Variants in DIAPH2 observed in about 807,000 individuals in gnomAD.
DIAPH2 encodes diaphanous related formin 2.
Under a neutral mutation model 92.7 loss-of-function variants are expected in DIAPH2, and 35 were observed. The observed-to-expected ratio is 0.38, with a 90% CI of 0.29 to 0.50. The LOEUF is 0.50. Ranked by LOEUF, DIAPH2 falls within the 20% of genes least tolerant of loss-of-function variation. The probability of loss-of-function intolerance (pLI) is 0.94; values close to 1 mark genes in which losing one functional copy is unlikely to be tolerated. For synonymous variants in DIAPH2, 301 were observed against 280.4 expected (o/e 1.07, Z -0.73); for missense variants, 701 against 819.5 (o/e 0.86, Z 1.77).
chrX:97,401,465 G>A (rs1160246936), intron 25 of DIAPH2, among the ~76,000 whole-genome samples: 1 of 111,252 alleles, frequency 9.0e-6, no homozygotes, highest in Non-Finnish European at 1.9e-5. Flanking sequence ...TAATTAGCAG[G>A]CCAATGTACT....
rs1471887776 is a variant in DIAPH2 at position 96,918,885 on chromosome X, A to G, written c.978+268A>G. Among the ~76,000 whole-genome samples the G allele has an allele frequency of 5.3e-5, 6 of 112,263 alleles. No individual in the cohort carries two copies. The Admixed American group carries it at 5.7e-4, about 11-fold the overall frequency. ...AAACCAGGGAAATTGAAGCCTCAGC[A>G]GTAACTAAGGTAAAAGGGCAAGCAG... On this transcript the variant is annotated intron_variant, in intron 9 of 26. Coordinates refer to ENST00000324765, the MANE Select transcript of DIAPH2 (RefSeq NM_006729.5).
chrX:97,390,441 A>T (rs971862028), intron 25 of DIAPH2, among the ~76,000 whole-genome samples: 5 of 110,072 alleles, frequency 4.5e-5, no homozygotes, highest in Non-Finnish European at 9.5e-5. Flanking sequence ...GCTGGTCTTG[A>T]ACTCCTGAGA....
chrX:96,952,956 TAA>T, intron 15 of DIAPH2, among the ~76,000 whole-genome samples: 1 of 99,599 alleles, frequency 1.0e-5, no homozygotes, highest in African/African-American at 3.6e-5. Flanking sequence ...GACCCCATCT[TAA>T]AAAAAAAAAA....
At chrX:97,405,773 A>G (rs1421848066) in intron 25 of DIAPH2, among the ~76,000 whole-genome samples, 1 of 111,515 alleles carries the variant, frequency 9.0e-6, no homozygotes, top group Non-Finnish European at 1.9e-5. Flanking sequence ...TTTTTTGCCT[A>G]CAAAATGACA....
In DIAPH2 at chrX:97,201,150, C is replaced by A. The variant is rs111716692; in HGVS notation, c.2720-46565C>A. Among the ~76,000 whole-genome samples the A allele has an allele frequency of 2.2e-3, 174 of 78,725 alleles. 4 individuals are homozygous for A. The highest frequency in any genetic ancestry group is 6.2e-4 in the Non-Finnish European group (26 of 42,040). 68.4% of individuals were successfully genotyped at this position (78,725 alleles called of 115,157 possible). On this transcript the variant is annotated intron_variant, in intron 22 of 26. Coordinates refer to ENST00000324765, the MANE Select transcript of DIAPH2 (RefSeq NM_006729.5). ...AGAAAGACCCCCCCCCCAAAAAAAA[C>A]CCCATCCAAAGGTCATCAGCCTCAA...
chrX:96,788,615 G>A lies in DIAPH2; in HGVS notation c.447+30357G>A, dbSNP rs758624771. Among the ~76,000 whole-genome samples, 9 of 111,923 alleles carry A rather than the reference G, an allele frequency of 8.0e-5. No homozygotes were observed. The East Asian group carries it at 1.1e-3, about 14-fold the overall frequency. On this transcript the variant is annotated intron_variant, in intron 4 of 26. Coordinates refer to ENST00000324765, the MANE Select transcript of DIAPH2 (RefSeq NM_006729.5). The stretch of plus-strand genomic sequence containing the variant: ...GTAAAATTATAAGTCAGAGAAAATC[G>A]AAATGTCCATGTGGAATAGTTAACA...
chrX:97,418,540 C>T (rs1266373764), intron 25 of DIAPH2, among the ~76,000 whole-genome samples: 1 of 112,220 alleles, frequency 8.9e-6, no homozygotes, highest in East Asian at 2.8e-4. Flanking sequence ...ACACATTTGA[C>T]CTCCTGATGG....
At chrX:96,953,064 C>G (rs781699785) in intron 15 of DIAPH2, among the ~76,000 whole-genome samples, 1 of 110,172 alleles carries the variant, frequency 9.1e-6, no homozygotes, top group South Asian at 3.9e-4. Context: ...GGCTGCAATG[C>G]ACTATGATTT....
At chrX:97,579,463 A>C (rs1386083722) in intron 26 of DIAPH2, among the ~76,000 whole-genome samples, 1 of 111,324 alleles carries the variant, frequency 9.0e-6, no homozygotes, top group African/African-American at 3.3e-5. Flanking sequence ...GGTTTGTCAA[A>C]GATCAGATAG....
intron 3 of DIAPH2, among the ~76,000 whole-genome samples, chrX:96,752,896 A>G (rs2064202682): frequency 8.9e-6 from 1 of 112,152 alleles, no homozygotes; most frequent in South Asian, 3.7e-4. Flanking sequence ...CTTGTCATGC[A>G]TGATCACACC....
chrX:97,212,787 CA>C lies in DIAPH2; in HGVS notation c.2720-34924del, dbSNP rs1368854884. Among the ~76,000 whole-genome samples, 6 of 110,250 alleles carry C rather than the reference CA, an allele frequency of 5.4e-5. No individual in the cohort carries two copies. The Admixed American group carries it at 5.8e-4, about 11-fold the overall frequency. On this transcript the variant is annotated intron_variant, in intron 22 of 26. Coordinates refer to ENST00000324765, the MANE Select transcript of DIAPH2 (RefSeq NM_006729.5). ...CCTCCCATAAAATAACTGTAATTGT[CA>C]AAATTGTTCTATTTAGGGTGTTGCT...
rs191524379 is a variant in DIAPH2 at position 96,875,346 on chromosome X, C to T, written c.448-6233C>T. 3.5e-3 allele frequency among the ~76,000 whole-genome samples: 389 copies of T among 111,676 alleles called. 1 individual carries two copies. Among genetic ancestry groups the T allele is most frequent in the Non-Finnish European group, 5.6e-3 (298 of 53,054 alleles). On this transcript the variant is annotated intron_variant, in intron 4 of 26. Coordinates refer to ENST00000324765, the MANE Select transcript of DIAPH2 (RefSeq NM_006729.5). ...GAGTCTGTAATTTGGGAGTGAAATG[C>T]TTAATTGATATTTAGTAGACAGAAG...
At chrX:97,176,829 A>G (rs2067496472) in intron 22 of DIAPH2, among the ~76,000 whole-genome samples, 1 of 111,627 alleles carries the variant, frequency 9.0e-6, no homozygotes, top group South Asian at 3.7e-4. Context: ...GCCTGGCCGA[A>G]GTATTGGTTT....
intron 23 of DIAPH2, among the ~76,000 whole-genome samples, chrX:97,336,119 G>A (rs1213178824): frequency 9.1e-6 from 1 of 110,441 alleles, no homozygotes; most frequent in Middle Eastern, 4.2e-3. Context: ...GTTTTAGTGC[G>A]TCATCTTTCA....
chrX:97,318,762 G>A (rs1349828068), intron 23 of DIAPH2, among the ~76,000 whole-genome samples: 3 of 110,342 alleles, frequency 2.7e-5, no homozygotes, highest in Non-Finnish European at 1.9e-5. Flanking sequence ...TGAGATTACA[G>A]GCATGAGCCA....
chrX:96,926,524 G>C, intron 9 of DIAPH2, among the ~76,000 whole-genome samples: 1 of 111,106 alleles, frequency 9.0e-6, no homozygotes, highest in East Asian at 2.8e-4. Context: ...CCAGAATGAA[G>C]ACAACAGCAT....
At chrX:97,108,628 C>A (rs1349832024) in intron 20 of DIAPH2, among the ~76,000 whole-genome samples, 1 of 111,621 alleles carries the variant, frequency 9.0e-6, no homozygotes, top group Admixed American at 9.5e-5. Flanking sequence ...TGCAAAAATT[C>A]TGTGGTTATG....
At chrX:97,241,773 T>G (rs2068096504) in intron 22 of DIAPH2, among the ~76,000 whole-genome samples, 2 of 3,287 alleles carry the variant, frequency 6.1e-4, no homozygotes, top group Non-Finnish European at 0.018. Flanking sequence ...GTAGGCTGAT[T>G]TTTTTTTTTT....
intron 17 of DIAPH2, among the ~76,000 whole-genome samples, chrX:96,997,827 T>C (rs1018961086): frequency 1.6e-4 from 18 of 112,176 alleles, no homozygotes; most frequent in African/African-American, 5.5e-4. Flanking sequence ...CATCAGATGA[T>C]TGTGATCACG....
Sources: allele counts gnomAD v4.1 joint callset (sites outside exome capture counted in the v4.1 genomes callset), GRCh38; gene constraint gnomAD v4.1.1; transcripts MANE v1.5; gene names NCBI Gene and HGNC (gene_info 2026-07-23, HGNC 2026-07-21).